NECAB2: variants seen among roughly 807,000 people sequenced by gnomAD.
NECAB2 encodes N-terminal EF-hand calcium binding protein 2.
Under a neutral mutation model 51.9 loss-of-function variants are expected in NECAB2, and 68 were observed. The ratio of observed to expected loss-of-function variants is 1.31; its 90% CI spans 1.08 to 1.60. The LOEUF is 1.60. NECAB2 is among the 40% of genes most tolerant of loss of function. NECAB2 has a pLI of 0.00. For synonymous variants in NECAB2, 329 were observed against 203.5 expected (o/e 1.62, Z -5.25); for missense variants, 854 against 490.3 (o/e 1.74, Z -7.00).
intron 1 of NECAB2, among the ~76,000 whole-genome samples, chr16:83,970,684 G>A (rs545943363): frequency 9.9e-5 from 15 of 152,244 alleles, no homozygotes; most frequent in East Asian, 5.8e-4. Flanking sequence ...CCCTGGTGTC[G>A]GGAAATGTGT....
intron 10 of NECAB2, among the ~76,000 whole-genome samples, chr16:83,999,703 G>C (rs1288046729): frequency 6.6e-6 from 1 of 152,006 alleles, no homozygotes; most frequent in Non-Finnish European, 1.5e-5. Context: ...CGGGCCCCTG[G>C]GTCCCATAGA....
upstream of NECAB2, among the ~76,000 whole-genome samples, chr16:83,967,367 A>C (rs372942480): frequency 1.9e-4 from 24 of 129,154 alleles, no homozygotes; most frequent in East Asian, 4.3e-3. Context: ...GGATGGGTGG[A>C]TGGATGGATG....
rs148456518 is a variant in NECAB2 at position 83,981,043 on chromosome 16, C to G, written c.375C>G (p.Asp125Glu). 2 of 1,614,112 alleles carry G rather than the reference C, an allele frequency of 1.2e-6. No individual in the cohort carries two copies. The highest frequency in any genetic ancestry group is 2.7e-5 in the African/African-American group (2 of 75,026). ...DTKELCDYFV[D>E]HMGDYEDVLA... ...TTCCTTCCCCAGATTACTTTGTGGA[C>G]CACATGGGTGACTATGAGGATGTCC... The change falls in exon 5 of 13, where the codon GAC (aspartate) becomes GAG (glutamate). Residue 125 changes from aspartate to glutamate, a missense_variant. By Grantham distance (45) the Asp-to-Glu change is conservative. Transcript: ENST00000305202.
At chr16:83,980,184 G>T (rs990168712) in intron 3 of NECAB2, among the ~76,000 whole-genome samples, 5 of 152,190 alleles carry the variant, frequency 3.3e-5, no homozygotes, top group African/African-American at 7.2e-5. Context: ...TCCTTATCCA[G>T]ACCATCTCTA....
chr16:84,001,629 A>AAG (rs1446303520), intron 11 of NECAB2, among the ~76,000 whole-genome samples, 196 bp from the exon 12 acceptor site: 1 of 152,030 alleles, frequency 6.6e-6, no homozygotes, highest in Admixed American at 6.5e-5. Flanking sequence ...CACAGGGAAA[A>AAG]AGAGAAGCTC....
intron 5 of NECAB2, among the ~76,000 whole-genome samples, chr16:83,985,054 T>C (rs1378660237): frequency 6.6e-6 from 1 of 152,178 alleles, no homozygotes; most frequent in African/African-American, 2.4e-5. Flanking sequence ...GGCTCACGCC[T>C]GTTATCCCAG....
intron 8 of NECAB2, among the ~76,000 whole-genome samples, chr16:83,995,876 G>A (rs910685198): frequency 1.3e-5 from 2 of 152,168 alleles, no homozygotes; most frequent in Non-Finnish European, 2.9e-5. Flanking sequence ...AGGGGACCCC[G>A]TGGCCCGGTT....
chr16:83,988,937 TGTG>T (rs1207225431), intron 5 of NECAB2, among the ~76,000 whole-genome samples: 1 of 152,200 alleles, frequency 6.6e-6, no homozygotes, highest in African/African-American at 2.4e-5. Context: ...GCTTTTCAGT[TGTG>T]GAGGAGAAAT....
At chr16:83,976,240 C>A (rs369474809) in intron 2 of NECAB2, among the ~76,000 whole-genome samples, 1 of 152,174 alleles carries the variant, frequency 6.6e-6, no homozygotes, top group African/African-American at 2.4e-5. Flanking sequence ...GGCGATGTCG[C>A]CACAAGATCC....
chr16:83,965,909 G>A, upstream of NECAB2: 1 of 1,612,798 alleles, frequency 6.2e-7, no homozygotes, highest in Non-Finnish European at 8.5e-7. Flanking sequence ...GTACGCCATG[G>A]GGCCGCTGGC....
intron 5 of NECAB2, among the ~76,000 whole-genome samples, chr16:83,984,573 A>G (rs993025196): frequency 6.6e-6 from 1 of 151,952 alleles, no homozygotes; most frequent in Non-Finnish European, 1.5e-5. Flanking sequence ...AAACAAAACA[A>G]AACAAAATTA....
intron 5 of NECAB2, among the ~76,000 whole-genome samples, chr16:83,987,789 G>T (rs763490632): frequency 1.3e-5 from 2 of 152,130 alleles, no homozygotes; most frequent in Non-Finnish European, 2.9e-5. Context: ...ACTATTTCTT[G>T]AGGATAATTT....
chr16:83,997,262 C>A lies in NECAB2; in HGVS notation c.842C>A (p.Thr281Asn), dbSNP rs764346302. ...CAGCGCCTGTCAGATGAAGATGGCA[C>A]CAACATGGTGAGGCCCCTTCCCACC... ...LQQRLSDEDG[T>N]NMHLQLVRQE... The change falls in exon 9 of 13, where the codon ACC becomes AAC. Residue 281 changes from threonine (T) to asparagine (N), a missense_variant. Transcript: ENST00000305202. 2 of 1,614,000 alleles carry A rather than the reference C, an allele frequency of 1.2e-6. No individual in the cohort carries two copies. The highest frequency in any genetic ancestry group is 2.7e-5 in the African/African-American group (2 of 74,914).
chr16:83,988,826 C>G (rs530453728), intron 5 of NECAB2, among the ~76,000 whole-genome samples: 1 of 124,640 alleles, frequency 8.0e-6, no homozygotes, highest in African/African-American at 6.1e-5. Flanking sequence ...CTGAGGCAAG[C>G]TCAGTCCCCC....
At chr16:83,968,177 G>A (rs1315197569), upstream of NECAB2, among the ~76,000 whole-genome samples, 1 of 151,494 alleles carries the variant, frequency 6.6e-6, no homozygotes, top group East Asian at 2.0e-4. Flanking sequence ...GCGGGGCGTG[G>A]GCGCCGCTCC....
chr16:83,965,609 G>T (rs1256829676), upstream of NECAB2: 1 of 1,613,106 alleles, frequency 6.2e-7, no homozygotes, highest in Non-Finnish European at 8.5e-7. Flanking sequence ...GATGATGCGG[G>T]AGCAGTCCAT....
chr16:83,993,117 C>G (rs189823357), intron 6 of NECAB2, among the ~76,000 whole-genome samples: 2 of 152,180 alleles, frequency 1.3e-5, no homozygotes, highest in African/African-American at 4.8e-5. Flanking sequence ...CCCCAAATCT[C>G]AGCTAGTTTG....
intron 1 of NECAB2, among the ~76,000 whole-genome samples, chr16:83,969,932 G>A (rs2084330592): frequency 6.6e-6 from 1 of 152,192 alleles, no homozygotes; most frequent in Non-Finnish European, 1.5e-5. Context: ...CGGGGTCTGG[G>A]CTGGGAGGGC....
chr16:83,980,476 A>G (rs1225439721), intron 3 of NECAB2, among the ~76,000 whole-genome samples: 1 of 152,092 alleles, frequency 6.6e-6, no homozygotes, highest in Non-Finnish European at 1.5e-5. Flanking sequence ...GGGGTGGGTC[A>G]GTGGGTCAGA....
Sources: allele counts gnomAD v4.1 joint callset (sites outside exome capture counted in the v4.1 genomes callset), GRCh38; gene constraint gnomAD v4.1.1; transcripts MANE v1.5; gene names NCBI Gene and HGNC (gene_info 2026-07-23, HGNC 2026-07-21).